Variants in BEND6 observed in about 807,000 individuals in gnomAD.
The protein encoded by BEND6 is BEN domain containing 6.
In BEND6, 24 loss-of-function variants were observed where a neutral mutation model predicts 31.8. That is an observed-to-expected ratio of 0.75 (90% CI 0.55 to 1.06). The LOEUF is 1.06. Ranked by LOEUF, BEND6 falls within the 50% of genes least tolerant of loss-of-function variation. The pLI, the probability that BEND6 is intolerant of heterozygous loss-of-function variation, is 0.00. For missense variants in BEND6, 294 were observed against 327.4 expected (o/e 0.90, Z 0.79); for synonymous variants, 109 against 114.6 (o/e 0.95, Z 0.31).
intron 3 of BEND6, chr6:57,009,938 C>T (rs1827288608): frequency 6.6e-6 from 1 of 152,034 alleles, no homozygotes; most frequent in Non-Finnish European, 1.5e-5. Flanking sequence ...TTCTGGGTAA[C>T]CAAACAGTTG....
At position 56,981,745 on chromosome 6, in the gene BEND6, G is replaced by C. The variant is rs985842890; in HGVS notation, c.-66G>C. On this transcript the variant is annotated 5_prime_UTR_variant, in exon 2 of 7. An upstream open reading frame in the 5' UTR loses its in-frame stop. Coordinates refer to ENST00000370746, the MANE Select transcript of BEND6 (RefSeq NM_152731.3). ...TAACTTTTGAGCTACGTCCAGAATA[G>C]CATCATCTTCATGGGTATTCCCTAC... 6.4e-6 allele frequency: 10 copies of C among 1,567,446 alleles called. No individual in the cohort carries two copies. Among genetic ancestry groups the C allele is most frequent in the Non-Finnish European group, 8.7e-6 (10 of 1,153,504 alleles).
intron 1 of BEND6, among the ~76,000 whole-genome samples, chr6:56,956,367 C>T (rs1824972645): frequency 6.6e-6 from 1 of 152,168 alleles, no homozygotes; most frequent in Non-Finnish European, 1.5e-5. Context: ...GTGTTGTTTT[C>T]CAACTATACA....
intron 5 of BEND6, among the ~76,000 whole-genome samples, 197 bp from the exon 6 acceptor site, chr6:57,018,224 C>G (rs1827629502): frequency 6.6e-6 from 1 of 152,108 alleles, no homozygotes; most frequent in Non-Finnish European, 1.5e-5. Context: ...TAATATAGAC[C>G]TTCTGATATC....
At chr6:56,965,838 G>T (rs954200400) in intron 1 of BEND6, among the ~76,000 whole-genome samples, 1 of 151,686 alleles carries the variant, frequency 6.6e-6, no homozygotes, top group African/African-American at 2.4e-5. Flanking sequence ...TTGATTCTTG[G>T]ATCAGAATTA....
intron 1 of BEND6, among the ~76,000 whole-genome samples, chr6:56,958,090 G>A (rs984329086): frequency 3.3e-5 from 5 of 152,058 alleles, no homozygotes; most frequent in Admixed American, 6.6e-5. Flanking sequence ...TTCAAATTCC[G>A]GCATAAACAC....
intron 1 of BEND6, among the ~76,000 whole-genome samples, chr6:56,972,732 G>A (rs950378208): frequency 2.0e-5 from 3 of 152,176 alleles, no homozygotes; most frequent in African/African-American, 7.2e-5. Flanking sequence ...AAATGTATTA[G>A]TAAGCTCAGG....
chr6:57,016,167 A>G (rs1029582724), intron 4 of BEND6, among the ~76,000 whole-genome samples: 1 of 152,152 alleles, frequency 6.6e-6, no homozygotes, highest in Non-Finnish European at 1.5e-5. Context: ...CTGTTTTTGT[A>G]CTTAATCAAG....
Position 56,981,856 on chromosome 6 carries a change from T to C in BEND6, c.46T>C (p.Phe16Leu), listed in dbSNP as rs1781735929. The C allele has an allele frequency of 3.1e-6, 5 of 1,612,878 alleles. No homozygotes were observed. Among genetic ancestry groups the C allele is most frequent in the African/African-American group, 1.3e-5 (1 of 74,956 alleles). The change falls in exon 2 of 7, where the codon TTT becomes CTT. Residue 16 changes from phenylalanine to leucine, a missense_variant. Physicochemically the swap from Phe to Leu is conservative, Grantham distance 22. Coordinates refer to ENST00000370746, the MANE Select transcript of BEND6 (RefSeq NM_152731.3). ...AGATGAAATTACCAATACACAAGCT[T>C]TTAGAAAAGGAAAGAGGAAAAGAAC... Reference protein sequence around the residue: ...QTDEITNTQAFRKGKRKRTET... With the variant: ...QTDEITNTQALRKGKRKRTET...
At chr6:56,993,027 G>A (rs1306705291) in intron 3 of BEND6, among the ~76,000 whole-genome samples, 1 of 151,996 alleles carries the variant, frequency 6.6e-6, no homozygotes, top group Non-Finnish European at 1.5e-5. Flanking sequence ...TTTTCTGTTG[G>A]GAAGAGTGTC....
intron 2 of BEND6, among the ~76,000 whole-genome samples, chr6:56,985,085 G>A (rs573351792): frequency 7.5e-4 from 114 of 152,274 alleles, no homozygotes; most frequent in African/African-American, 2.7e-3. Context: ...ATAAGTTTGT[G>A]GTCTGCCTTC....
At chr6:56,973,925 G>T (rs941346307) in intron 1 of BEND6, among the ~76,000 whole-genome samples, 2 of 152,120 alleles carry the variant, frequency 1.3e-5, no homozygotes, top group African/African-American at 4.8e-5. Context: ...CTAGCTTTTT[G>T]TATTTTCTGT....
At chr6:56,997,974 TG>T (rs1313137075) in intron 3 of BEND6, among the ~76,000 whole-genome samples, 1 of 147,108 alleles carries the variant, frequency 6.8e-6, no homozygotes, top group Admixed American at 6.8e-5. Flanking sequence ...TGTGTGGGGG[TG>T]GGGGGCGGCA....
At chr6:56,974,978 G>T (rs1428566045) in intron 1 of BEND6, among the ~76,000 whole-genome samples, 2 of 152,124 alleles carry the variant, frequency 1.3e-5, no homozygotes, top group Non-Finnish European at 2.9e-5. Flanking sequence ...AATTAGTCGG[G>T]CATGATGGCG....
At chr6:56,966,695 C>A (rs956591490) in intron 1 of BEND6, among the ~76,000 whole-genome samples, 1 of 152,138 alleles carries the variant, frequency 6.6e-6, no homozygotes, top group Non-Finnish European at 1.5e-5. Context: ...TAGTCTTCTT[C>A]GTGAACACAT....
intron 2 of BEND6, among the ~76,000 whole-genome samples, chr6:56,987,506 C>G (rs1426142050): frequency 1.3e-5 from 2 of 152,180 alleles, no homozygotes; most frequent in Non-Finnish European, 2.9e-5. Context: ...ATGCACTAAG[C>G]AAGGAGCCAG....
chr6:57,004,424 C>A, intron 3 of BEND6: 1 of 572,550 alleles, frequency 1.7e-6, no homozygotes, highest in Non-Finnish European at 3.2e-6. Context: ...CCTCATCCCC[C>A]CACCCCAGCT....
intron 1 of BEND6, among the ~76,000 whole-genome samples, chr6:56,970,467 A>C (rs930875049): frequency 6.6e-6 from 1 of 152,090 alleles, no homozygotes; most frequent in South Asian, 2.1e-4. Flanking sequence ...GAACCACCAC[A>C]CACTGCCCCA....
intron 3 of BEND6, among the ~76,000 whole-genome samples, chr6:57,002,052 G>C (rs77622215): frequency 6.6e-6 from 1 of 152,258 alleles, no homozygotes; most frequent in Admixed American, 6.5e-5. Context: ...AAGAGCAGGG[G>C]TCGTGATTCT....
intron 6 of BEND6, among the ~76,000 whole-genome samples, chr6:57,023,922 G>T (rs1827826966): frequency 6.6e-6 from 1 of 152,002 alleles, no homozygotes; most frequent in Admixed American, 6.5e-5. Context: ...ATTTTCTCTG[G>T]TAATATGTTG....
Sources: allele counts gnomAD v4.1 joint callset (sites outside exome capture counted in the v4.1 genomes callset), GRCh38; gene constraint gnomAD v4.1.1; transcripts MANE v1.5; gene names NCBI Gene and HGNC (gene_info 2026-07-23, HGNC 2026-07-21).